The following SDK1 variants were observed in gnomAD, a reference collection of about 807,000 sequenced individuals.
SDK1 encodes sidekick cell adhesion molecule 1, also known as protein sidekick-1.
SDK1 carries 157 observed loss-of-function variants against 245.5 expected under a neutral mutation model. The ratio of observed to expected loss-of-function variants is 0.64; its 90% CI spans 0.56 to 0.73. The LOEUF (loss-of-function observed/expected upper bound fraction) is 0.73, where lower values mean the gene tolerates loss of function less well. Ranked by LOEUF, SDK1 falls within the 30% of genes least tolerant of loss-of-function variation. The probability of loss-of-function intolerance (pLI) is 0.00; values close to 1 mark genes in which losing one functional copy is unlikely to be tolerated. For synonymous variants in SDK1, 1,647 were observed against 1,278.5 expected, an observed-to-expected ratio of 1.29 and a Z score of -6.15; for missense variants, 3,583 against 3,002.3, an observed-to-expected ratio of 1.19 and a Z score of -4.52.
chr7:3,640,957 C>G (rs1782631685), intron 3 of SDK1, among the ~76,000 whole-genome samples: 1 of 152,118 alleles, frequency 6.6e-6, no homozygotes, highest in South Asian at 2.1e-4. Flanking sequence ...GCTGGGATGA[C>G]AGGTGTGAGC....
intron 1 of SDK1, among the ~76,000 whole-genome samples, chr7:3,537,931 A>G (rs1004771855): frequency 3.9e-5 from 6 of 152,192 alleles, no homozygotes; most frequent in Non-Finnish European, 8.8e-5. Flanking sequence ...CTCCCTCTGC[A>G]AAGAGTGAAC....
chr7:3,318,804 G>A (rs1019441103), intron 1 of SDK1, among the ~76,000 whole-genome samples: 1 of 152,168 alleles, frequency 6.6e-6, no homozygotes, highest in African/African-American at 2.4e-5. Flanking sequence ...AACAAAGAAG[G>A]AATATTTTCT....
chr7:3,802,907 G>A (rs1193717538), intron 4 of SDK1, among the ~76,000 whole-genome samples: 2 of 152,180 alleles, frequency 1.3e-5, no homozygotes. Flanking sequence ...GGTTTTGGTT[G>A]TTACAAATAA....
At chr7:3,719,920 T>C (rs1785315604) in intron 4 of SDK1, among the ~76,000 whole-genome samples, 1 of 151,014 alleles carries the variant, frequency 6.6e-6, no homozygotes, top group Non-Finnish European at 1.5e-5. Flanking sequence ...GAAGTTGCAG[T>C]GAGCCGAGAT....
At chr7:3,470,701 A>C (rs956000633) in intron 1 of SDK1, among the ~76,000 whole-genome samples, 1 of 152,184 alleles carries the variant, frequency 6.6e-6, no homozygotes, top group African/African-American at 2.4e-5. Context: ...AAGGACACAG[A>C]AAATAGGGTG....
chr7:3,367,342 T>A (rs773902626), intron 1 of SDK1, among the ~76,000 whole-genome samples: 1 of 152,088 alleles, frequency 6.6e-6, no homozygotes, highest in African/African-American at 2.4e-5. Context: ...GAATAGAAAA[T>A]AAAATAGAAA....
At chr7:3,910,898 T>C (rs1422136191) in intron 5 of SDK1, among the ~76,000 whole-genome samples, 1 of 152,198 alleles carries the variant, frequency 6.6e-6, no homozygotes, top group East Asian at 1.9e-4. Context: ...TGGCCCACGC[T>C]GTGGAGCAGG....
chr7:3,870,303 C>T (rs1780924988), intron 5 of SDK1, among the ~76,000 whole-genome samples: 2 of 152,014 alleles, frequency 1.3e-5, no homozygotes, highest in Non-Finnish European at 2.9e-5. Flanking sequence ...ATTTTTACAG[C>T]GACTTGGCCC....
At chr7:4,136,201 A>G (rs1003419929) in intron 28 of SDK1, among the ~76,000 whole-genome samples, 11 of 152,200 alleles carry the variant, frequency 7.2e-5, no homozygotes, top group African/African-American at 2.7e-4. Context: ...TCTGTCATGC[A>G]GCATTGGCTT....
intron 1 of SDK1, among the ~76,000 whole-genome samples, chr7:3,344,445 A>C (rs766913297): frequency 1.3e-5 from 2 of 152,132 alleles, no homozygotes; most frequent in Non-Finnish European, 2.9e-5. Context: ...AAGTAGTGGC[A>C]GTTATTAGCT....
chr7:4,091,730 A>G (rs1274672076), intron 22 of SDK1, among the ~76,000 whole-genome samples: 1 of 152,094 alleles, frequency 6.6e-6, no homozygotes, highest in Non-Finnish European at 1.5e-5. Context: ...GCCAGTGTAG[A>G]TAAGAGCTGC....
chr7:3,842,859 G>C (rs978622328), intron 5 of SDK1, among the ~76,000 whole-genome samples: 1 of 152,122 alleles, frequency 6.6e-6, no homozygotes, highest in African/African-American at 2.4e-5. Context: ...TCTCCACAGA[G>C]TCAAGACATT....
intron 43 of SDK1, 68 bp from the exon 44 acceptor site, chr7:4,245,608 G>C (rs1484055206): frequency 6.3e-7 from 1 of 1,579,782 alleles, no homozygotes; most frequent in Admixed American, 1.7e-5. Flanking sequence ...CAAATGCCAG[G>C]TTAGGAGTCC....
At chr7:3,711,387 T>G (rs1785043951) in intron 4 of SDK1, among the ~76,000 whole-genome samples, 1 of 152,170 alleles carries the variant, frequency 6.6e-6, no homozygotes, top group Non-Finnish European at 1.5e-5. Flanking sequence ...AAAATTTACC[T>G]GGGAGAGACA....
intron 22 of SDK1, among the ~76,000 whole-genome samples, chr7:4,103,856 A>G (rs1266338670): frequency 6.6e-6 from 1 of 152,238 alleles, no homozygotes; most frequent in Non-Finnish European, 1.5e-5. Flanking sequence ...CTTTCTGTAA[A>G]GGTCCCGATA....
chr7:3,706,924 A>G (rs1009464955), intron 4 of SDK1, among the ~76,000 whole-genome samples: 1 of 152,160 alleles, frequency 6.6e-6, no homozygotes, highest in Non-Finnish European at 1.5e-5. Context: ...TTTTATTACT[A>G]ATTGAGTTTA....
chr7:3,408,674 G>A (rs1339222771), intron 1 of SDK1, among the ~76,000 whole-genome samples: 1 of 152,088 alleles, frequency 6.6e-6, no homozygotes, highest in African/African-American at 2.4e-5. Flanking sequence ...AATTTGACCT[G>A]TACTTGAATT....
chr7:3,715,273 T>C (rs1785167070), intron 4 of SDK1, among the ~76,000 whole-genome samples: 1 of 152,208 alleles, frequency 6.6e-6, no homozygotes, highest in Non-Finnish European at 1.5e-5. Context: ...GCAGACTATA[T>C]ATAAATTCAT....
chr7:3,642,168 A>C (rs758159810), intron 4 of SDK1, 63 bp downstream of exon 4: 120 of 1,497,324 alleles, frequency 8.0e-5, no homozygotes, highest in Non-Finnish European at 1.1e-4. Flanking sequence ...GGCACCATCT[A>C]CACAGTAAGT....
Sources: gnomAD v4.1 joint callset for allele counts (sites outside exome capture counted in the v4.1 genomes callset) on GRCh38, gnomAD v4.1.1 for gene constraint, MANE v1.5 for transcripts, NCBI Gene and HGNC (gene_info 2026-07-23, HGNC 2026-07-21) for gene names.